The following CEP44 variants were observed in gnomAD, a reference collection of about 807,000 sequenced individuals.
CEP44 encodes the protein centrosomal protein 44, also known as centrosomal protein of 44 kDa.
A neutral mutation model predicts 46.7 loss-of-function variants in CEP44; 45 were observed. The ratio of observed to expected loss-of-function variants is 0.96; its 90% confidence interval spans 0.76 to 1.24. The LOEUF is 1.24. Ranked by LOEUF, CEP44 falls within the 50% of genes most tolerant of loss-of-function variation. The pLI is 0.00. For synonymous variants in CEP44, 142 were observed against 146.0 expected, an observed-to-expected ratio of 0.97 and a Z score of 0.20; for missense variants, 475 against 459.7, an observed-to-expected ratio of 1.03 and a Z score of -0.30.
At chr4:174,293,118 A>G (rs1469403599) in intron 1 of CEP44, among the ~76,000 whole-genome samples, 1 of 152,146 alleles carries the variant, frequency 6.6e-6, no homozygotes, top group Non-Finnish European at 1.5e-5. Context: ...TACATGTTCA[A>G]AATCAGGTCT....
Position 174,309,433 on chromosome 4 carries a change from G to A in CEP44, c.679-417G>A, listed in dbSNP as rs1740823659. On this transcript the variant is annotated intron_variant, in intron 7 of 11. Coordinates refer to ENST00000503780, the MANE Select transcript of CEP44 (RefSeq NM_001040157.3). This position sits in a 1 kb window ranked among gnomAD's most constrained non-coding sequence, Gnocchi z 5.3. The stretch of plus-strand genomic sequence containing the variant: ...TTACAAAAACTACCAGATGGCCATT[G>A]GACCTACTTCCTGTTATATGGCAAA... Among the ~76,000 whole-genome samples, 1 of 151,966 alleles carries A rather than the reference G, an allele frequency of 6.6e-6. No homozygotes were observed. Among genetic ancestry groups the A allele is most frequent in the South Asian group, 2.1e-4 (1 of 4,828 alleles).
rs1337783090 is a variant in CEP44, at chr4:174,300,207, T to C, written c.89+997T>C. Among the ~76,000 whole-genome samples, 3 of 152,148 alleles carry C rather than the reference T, an allele frequency of 2.0e-5. No individual in the cohort carries two copies. The East Asian group carries it at 5.8e-4, about 29-fold the overall frequency. The stretch of plus-strand genomic sequence containing the variant: ...TAAGAATGGATATTCTAATAACTCT[T>C]GAGGTTACAGTAGGGAGAGGTAACT... On this transcript the variant is annotated intron_variant, in intron 3 of 11. Coordinates refer to ENST00000503780, the MANE Select transcript of CEP44 (RefSeq NM_001040157.3).
rs186063846 is a variant in CEP44, at chr4:174,311,344, T to A, written c.961+486T>A. Among the ~76,000 whole-genome samples the A allele has an allele frequency of 7.9e-3, 1,210 of 152,214 alleles. 10 individuals carry two copies. Among genetic ancestry groups the A allele is most frequent in the Non-Finnish European group, 0.012 (809 of 67,940 alleles). ...ATAGGTCTTTTCCTGGTCACTTTAC[T>A]AGGCTACTGATATTTTGCTTAGTGT... On this transcript the variant is annotated intron_variant, in intron 9 of 11. Transcript: ENST00000503780. This position sits in a 1 kb window ranked among gnomAD's most constrained non-coding sequence, Gnocchi z 4.4.
At chr4:174,322,079 C>G (rs1026960008), downstream of CEP44, among the ~76,000 whole-genome samples, 1 of 152,038 alleles carries the variant, frequency 6.6e-6, no homozygotes, top group Non-Finnish European at 1.5e-5. Context: ...AAAACAACAC[C>G]ACAGCTGAGG....
In CEP44 at chr4:174,318,698, A is replaced by G; in HGVS notation, c.*1315A>G. On this transcript the variant is annotated 3_prime_UTR_variant, in exon 12 of 12. Coordinates refer to ENST00000503780, the MANE Select transcript of CEP44 (RefSeq NM_001040157.3). ...TGTATAATTCTATATTACACTGTCAAATATAAAATATTGTTATATGAGTAG... is the reference window on the plus strand; with the variant it reads ...TGTATAATTCTATATTACACTGTCAGATATAAAATATTGTTATATGAGTAG... 1 of 677,504 alleles carries G rather than the reference A, an allele frequency of 1.5e-6. No individual in the cohort carries two copies. Among genetic ancestry groups the G allele is most frequent in the Non-Finnish European group, 1.8e-6 (1 of 549,858 alleles). 42.0% of individuals were successfully genotyped at this position (677,504 alleles called of 1,614,324 possible).
Position 174,284,030 on chromosome 4 carries a change from C to T in CEP44, c.-148+87C>T, listed in dbSNP as rs188427010. 2.8e-5 allele frequency: 11 copies of T among 399,484 alleles called. No individual in the cohort carries two copies. In the East Asian group the frequency reaches 3.9e-4, roughly 14 times the overall value. The allele number at this position is 399,484 out of a possible 1,614,324, so 24.7% of individuals were successfully genotyped here. The stretch of plus-strand genomic sequence containing the variant: ...GGGCGCAGGCGCCTGGCTGTAGCGA[C>T]TGGTTGCGGGAGGCTGGACTCTGGT... On this transcript the variant is annotated intron_variant, in intron 1 of 11. Transcript: ENST00000503780.
chr4:174,313,847 C>T (rs948357723), intron 9 of CEP44, among the ~76,000 whole-genome samples: 7 of 152,010 alleles, frequency 4.6e-5, no homozygotes, highest in Admixed American at 1.3e-4. Context: ...GTGATTGTTA[C>T]TCTTTAATAA....
chr4:174,318,676 A>G lies in CEP44; in HGVS notation c.*1293A>G, dbSNP rs1742001400. On this transcript the variant is annotated 3_prime_UTR_variant, in exon 12 of 12. Transcript: ENST00000503780. ...ATTCATCTATTTATGGTATGTATGT[A>G]TAATTCTATATTACACTGTCAAATA... The G allele has an allele frequency of 5.0e-6, 3 of 595,540 alleles. No homozygotes were observed. The East Asian group carries it at 4.3e-4, about 85-fold the overall frequency. 36.9% of individuals were successfully genotyped at this position (595,540 alleles called of 1,614,324 possible). A position where few individuals can be genotyped will look rare whatever the true frequency, so the allele number is the denominator to read the frequency against.
downstream of CEP44, chr4:174,320,350 A>C (rs999992044): frequency 2.1e-6 from 2 of 962,250 alleles, no homozygotes; most frequent in African/African-American, 3.5e-5. Context: ...CATGCCATTC[A>C]TTACTCATAA....
In CEP44 at chr4:174,314,987, C is replaced by T. The variant is rs549512053; in HGVS notation, c.962-1179C>T. ...TAGTCAAATGATATTGAGCCTGGGC[C>T]GGGCTGGCCATGTGGTGGAAGTTTA... On this transcript the variant is annotated intron_variant, in intron 9 of 11. Coordinates refer to ENST00000503780, the MANE Select transcript of CEP44 (RefSeq NM_001040157.3). The surrounding 1 kb of genome is among the most constrained non-coding windows in gnomAD (Gnocchi z 4.1). Among the ~76,000 whole-genome samples the T allele has an allele frequency of 1.3e-5, 2 of 152,148 alleles. No homozygotes were observed. Among genetic ancestry groups the T allele is most frequent in the Non-Finnish European group, 2.9e-5 (2 of 68,036 alleles).
At chr4:174,323,106 A>G (rs1032109391), downstream of CEP44, among the ~76,000 whole-genome samples, 1 of 152,170 alleles carries the variant, frequency 6.6e-6, no homozygotes, top group Non-Finnish European at 1.5e-5. Context: ...ATTAAAAAAT[A>G]TAAAAAACTC....
At chr4:174,306,672 TC>T in intron 6 of CEP44, among the ~76,000 whole-genome samples, 1 of 152,252 alleles carries the variant, frequency 6.6e-6, no homozygotes, top group Non-Finnish European at 1.5e-5. Context: ...AGATTGGTGT[TC>T]CTTTTGCAAA....
chr4:174,310,735 G>T lies in CEP44; in HGVS notation c.886-48G>T. On this transcript the variant is annotated intron_variant, in intron 8 of 11. Coordinates refer to ENST00000503780, the MANE Select transcript of CEP44 (RefSeq NM_001040157.3). This position sits in a 1 kb window ranked among gnomAD's most constrained non-coding sequence, Gnocchi z 4.2. ...TCAGCATTAAGAATATAAAATGAGA[G>T]GGTTTTTCTTTTTATTTCATTCTAA... The T allele has an allele frequency of 1.2e-6, 1 of 846,850 alleles. No homozygotes were observed. 52.5% of individuals were successfully genotyped at this position (846,850 alleles called of 1,614,324 possible). A position where few individuals can be genotyped will look rare whatever the true frequency, so the allele number is the denominator to read the frequency against.
rs1439050349 is a variant in CEP44 at position 174,301,200 on chromosome 4, T to TA, written c.90-838dup. ...TTGGAAAACATTTGCTTTATATAAG[T>TA]ACAAAATACTGCAATTGAACAAATG... On this transcript the variant is annotated intron_variant, in intron 3 of 11. Coordinates refer to ENST00000503780, the MANE Select transcript of CEP44 (RefSeq NM_001040157.3). This position sits in a 1 kb window ranked among gnomAD's most constrained non-coding sequence, Gnocchi z 4.3. Among the ~76,000 whole-genome samples, 2 of 152,184 alleles carry TA rather than the reference T, an allele frequency of 1.3e-5. No homozygotes were observed. The highest frequency in any genetic ancestry group is 4.8e-5 in the African/African-American group (2 of 41,448).
Position 174,297,672 on chromosome 4 carries a change from GT to G in CEP44, c.-147-293del, listed in dbSNP as rs1739211399. On this transcript the variant is annotated intron_variant, in intron 1 of 11. Coordinates refer to ENST00000503780, the MANE Select transcript of CEP44 (RefSeq NM_001040157.3). This position sits in a 1 kb window ranked among gnomAD's most constrained non-coding sequence, Gnocchi z 4.3. ...TATTAGTGTGTGTGTGTGTGTGTGT[GT>G]GTGTGTGTGTGTTTTCATTAATACT... Among the ~76,000 whole-genome samples the G allele has an allele frequency of 1.3e-5, 2 of 152,010 alleles. No individual in the cohort carries two copies. The highest frequency in any genetic ancestry group is 2.9e-5 in the Non-Finnish European group (2 of 67,996).
chr4:174,302,133 A>C lies in CEP44; in HGVS notation c.184A>C (p.Asn62His), dbSNP rs151113549. 1.2e-6 allele frequency: 2 copies of C among 1,611,146 alleles called. No homozygotes were observed. Among genetic ancestry groups the C allele is most frequent in the South Asian group, 2.2e-5 (2 of 90,358 alleles). Residue 62 changes from asparagine (N) to histidine (H), a missense_variant, in exon 4 of 12, where the codon AAT (asparagine) becomes CAT (histidine). Asn to His is a moderately conservative substitution (Grantham distance 68, BLOSUM62 1). Coordinates refer to ENST00000503780, the MANE Select transcript of CEP44 (RefSeq NM_001040157.3). ...PYVTELIMESNVELIAKNDLR... is the reference protein window; with the variant it reads ...PYVTELIMESHVELIAKNDLR... ...TGTAACAGAACTTATAATGGAATCC[A>C]ATGTAGAGCTCATAGCAAAAAATGA...
In CEP44 at chr4:174,312,234, A is replaced by G. The variant is rs1230953860; in HGVS notation, c.961+1376A>G. On this transcript the variant is annotated intron_variant, in intron 9 of 11. Transcript: ENST00000503780. The surrounding 1 kb of genome is among the most constrained non-coding windows in gnomAD (Gnocchi z 4.5). Reference sequence around the variant, plus strand: ...TTTTAATGACATGATTATAGAATATACCTTTAACCTATTTAGAAAACACAT... The same window carrying G: ...TTTTAATGACATGATTATAGAATATGCCTTTAACCTATTTAGAAAACACAT... Among the ~76,000 whole-genome samples, 1 of 150,464 alleles carries G rather than the reference A, an allele frequency of 6.6e-6. No individual in the cohort carries two copies. Among genetic ancestry groups the G allele is most frequent in the African/African-American group, 2.4e-5 (1 of 40,980 alleles).
chr4:174,309,442 TC>T lies in CEP44; in HGVS notation c.679-406del, dbSNP rs1740824584. ...CTACCAGATGGCCATTGGACCTACTTCCTGTTATATGGCAAACCGAACAATC... is the reference window on the plus strand; with the variant it reads ...CTACCAGATGGCCATTGGACCTACTTCTGTTATATGGCAAACCGAACAATC... On this transcript the variant is annotated intron_variant, in intron 7 of 11. Coordinates refer to ENST00000503780, the MANE Select transcript of CEP44 (RefSeq NM_001040157.3). The surrounding 1 kb of genome is among the most constrained non-coding windows in gnomAD (Gnocchi z 5.3). Among the ~76,000 whole-genome samples the T allele has an allele frequency of 6.6e-6, 1 of 152,028 alleles. No individual in the cohort carries two copies. Among genetic ancestry groups the T allele is most frequent in the African/African-American group, 2.4e-5 (1 of 41,410 alleles).
rs144655610 is a variant in CEP44 at position 174,303,801 on chromosome 4, T to A, written c.336T>A (p.Ile112=). Residue 112 remains isoleucine, a synonymous_variant, in exon 5 of 12, where the codon ATT becomes ATA. Coordinates refer to ENST00000503780, the MANE Select transcript of CEP44 (RefSeq NM_001040157.3). ...AEWKIQIVCD[I]LNCVMKKHKE... is the part of the protein sequence containing the mutation. ...GGAAAATCCAAATTGTTTGTGATAT[T>A]TTGAATTGTGTGATGAAAAAGCACA... The A allele has an allele frequency of 6.3e-7, 1 of 1,575,084 alleles. No individual in the cohort carries two copies. The highest frequency in any genetic ancestry group is 1.3e-5 in the African/African-American group (1 of 74,484).
Sources: allele counts gnomAD v4.1 joint callset (sites outside exome capture counted in the v4.1 genomes callset), GRCh38; gene constraint gnomAD v4.1.1; non-coding constraint Gnocchi (gnomAD v3.1); transcripts MANE v1.5; gene names NCBI Gene and HGNC (gene_info 2026-07-23, HGNC 2026-07-21).